The following POLR1C variants were observed in gnomAD, a reference collection of about 807,000 sequenced individuals.
POLR1C encodes DNA-directed RNA polymerases I and III subunit RPAC1.
Under a neutral mutation model 38.3 loss-of-function variants are expected in POLR1C, and 42 were observed. That is an observed-to-expected ratio of 1.10 (90% confidence interval 0.86 to 1.42). The LOEUF (loss-of-function observed/expected upper bound fraction) is 1.42, where lower values mean the gene tolerates loss of function less well. POLR1C is among the 40% of genes most tolerant of loss of function. The pLI is 0.00. For synonymous variants in POLR1C, 163 were observed against 163.9 expected, an observed-to-expected ratio of 0.99 and a Z score of 0.04; for missense variants, 507 against 450.5, an observed-to-expected ratio of 1.13 and a Z score of -1.14.
At chr6:43,531,605 T>G (rs1302611607), downstream of POLR1C, 5 of 1,578,624 alleles carry the variant, frequency 3.2e-6, no homozygotes, top group Non-Finnish European at 3.5e-6. Flanking sequence ...AAGAACATGA[T>G]GCTCCACTGT....
At chr6:43,557,912 A>G (rs1414792988) in intron 10 of POLR1C, among the ~76,000 whole-genome samples, 1 of 151,960 alleles carries the variant, frequency 6.6e-6, no homozygotes, top group Non-Finnish European at 1.5e-5. Flanking sequence ...CCTGACCAAC[A>G]TGGAGAAACC....
At position 43,519,379 on chromosome 6, in the gene POLR1C, T is replaced by C. The variant is rs1266378487; in HGVS notation, c.188T>C (p.Phe63Ser). 4.3e-6 allele frequency: 7 copies of C among 1,613,926 alleles called. No individual in the cohort carries two copies. Among genetic ancestry groups the C allele is most frequent in the Non-Finnish European group, 5.1e-6 (6 of 1,179,898 alleles). The part of the protein sequence containing the change: ...VVHMDENSLE[F>S]DMVGIDAAIA... Reference sequence around the variant, plus strand: ...CACATGGATGAAAACTCACTGGAGTTTGACATGGTGGGAATTGACGCAGCC... The same window carrying C: ...CACATGGATGAAAACTCACTGGAGTCTGACATGGTGGGAATTGACGCAGCC... The change falls in exon 3 of 9, where the codon TTT (phenylalanine) becomes TCT (serine). Residue 63 changes from phenylalanine to serine, a missense_variant. Transcript: ENST00000642195.
At chr6:43,546,773 CA>C in intron 9 of POLR1C, 1 of 1,473,974 alleles carries the variant, frequency 6.8e-7, no homozygotes, top group Non-Finnish European at 9.0e-7. Flanking sequence ...ATAAGAATGA[CA>C]GATAAATATT....
chr6:43,529,022 A>G, intron 8 of POLR1C: 1 of 1,226,632 alleles, frequency 8.2e-7, no homozygotes, highest in Admixed American at 2.4e-5. Flanking sequence ...TCCCTAAAGG[A>G]TTTGCCAGAT....
intron 9 of POLR1C, among the ~76,000 whole-genome samples, chr6:43,537,564 G>T (rs769962564): frequency 6.6e-6 from 1 of 152,142 alleles, no homozygotes; most frequent in Admixed American, 6.5e-5. Context: ...ATGTTCCAAC[G>T]GAAGTTTACT....
chr6:43,539,684 G>A (rs1029216516), intron 9 of POLR1C: 2 of 860,520 alleles, frequency 2.3e-6, no homozygotes, highest in African/African-American at 1.7e-5. Context: ...CCCCCCCACT[G>A]CACCGGCGTC....
chr6:43,532,646 C>A (rs890437328), downstream of POLR1C, among the ~76,000 whole-genome samples: 1 of 152,154 alleles, frequency 6.6e-6, no homozygotes. Context: ...TCCTCATGCC[C>A]CTAACCTAGC....
chr6:43,517,979 C>T (rs770285471), intron 2 of POLR1C, among the ~76,000 whole-genome samples: 2 of 151,642 alleles, frequency 1.3e-5, no homozygotes, highest in Non-Finnish European at 2.9e-5. Context: ...CTTTTTTAAC[C>T]TGTTGATACA....
At position 43,554,421 on chromosome 6, in the gene POLR1C, TC is replaced by T. The variant is rs1329869230; in HGVS notation, c.*48+3411del. On this transcript the variant is annotated intron_variant, in intron 10 of 10. Transcript: ENST00000607635. The stretch of plus-strand genomic sequence containing the variant: ...CCACTGTGCCCAGCCGCTTTTCTTT[TC>T]TTTTTTTTTTTTTTCTTTTTTGAGA... 4.0e-5 allele frequency among the ~76,000 whole-genome samples: 6 copies of T among 148,812 alleles called. No homozygotes were observed. The East Asian group carries it at 1.2e-3, about 30-fold the overall frequency.
chr6:43,520,216 C>T (rs758212801), intron 5 of POLR1C, 31 bp downstream of exon 5: 6 of 1,614,118 alleles, frequency 3.7e-6, no homozygotes, highest in Non-Finnish European at 3.4e-6. Context: ...GAAGAGGCCC[C>T]ACCTGTGGGT....
At chr6:43,559,915 A>C (rs1051770699) in intron 10 of POLR1C, among the ~76,000 whole-genome samples, 4 of 152,140 alleles carry the variant, frequency 2.6e-5, no homozygotes, top group Non-Finnish European at 5.9e-5. Context: ...TCCCAAGCTC[A>C]GGTGATCCTC....
At chr6:43,551,143 C>G in intron 10 of POLR1C, 3 of 668,166 alleles carry the variant, frequency 4.5e-6, no homozygotes, top group Non-Finnish European at 6.9e-6. Flanking sequence ...GTAGTCTCAG[C>G]TACTCAGAAG....
intron 9 of POLR1C, among the ~76,000 whole-genome samples, chr6:43,540,872 T>C (rs2127720518): frequency 6.6e-6 from 1 of 151,986 alleles, no homozygotes; most frequent in African/African-American, 2.4e-5. Context: ...AATTGAGGCA[T>C]AATTCACATA....
chr6:43,546,242 T>G (rs923534531), intron 9 of POLR1C, among the ~76,000 whole-genome samples: 1 of 151,934 alleles, frequency 6.6e-6, no homozygotes, highest in African/African-American at 2.4e-5. Context: ...CAATGAGCAA[T>G]TCCTTTACTA....
intron 10 of POLR1C, among the ~76,000 whole-genome samples, chr6:43,557,783 TAAAAAAAAAA>T (rs59661301): frequency 1.1e-5 from 1 of 87,230 alleles, no homozygotes; most frequent in African/African-American, 4.2e-5. Context: ...AATAAAGCTG[TAAAAAAAAAA>T]AAAAAAAAAA....
At chr6:43,523,782 GC>G, downstream of POLR1C, 1 of 1,601,464 alleles carries the variant, frequency 6.2e-7, no homozygotes, top group Non-Finnish European at 8.6e-7. Context: ...AAGTGAGGTG[GC>G]AGTGCAAGAA....
intron 9 of POLR1C, among the ~76,000 whole-genome samples, chr6:43,545,349 G>A (rs1794911163): frequency 6.6e-6 from 1 of 152,166 alleles, no homozygotes; most frequent in South Asian, 2.1e-4. Context: ...CGTTGAGACT[G>A]CTTTTACTCC....
chr6:43,552,453 A>T (rs1476950452), intron 10 of POLR1C, among the ~76,000 whole-genome samples: 1 of 152,090 alleles, frequency 6.6e-6, no homozygotes, highest in Non-Finnish European at 1.5e-5. Flanking sequence ...CCTGGGTTCA[A>T]GCGATTCCTG....
At chr6:43,555,907 G>C in intron 10 of POLR1C, 1 of 1,614,002 alleles carries the variant, frequency 6.2e-7, no homozygotes, top group Non-Finnish European at 8.5e-7. Flanking sequence ...CTGGAAGCTA[G>C]TTTTGGGATC....
Sources: gnomAD v4.1 joint callset for allele counts (sites outside exome capture counted in the v4.1 genomes callset) on GRCh38, gnomAD v4.1.1 for gene constraint, MANE v1.5 for transcripts, NCBI Gene and HGNC (gene_info 2026-07-23, HGNC 2026-07-21) for gene names.